The following TMEM232 variants were observed in gnomAD, a reference collection of about 807,000 sequenced individuals.
The protein encoded by TMEM232 is transmembrane protein 232.
Under a neutral mutation model 78.8 loss-of-function variants are expected in TMEM232, and 80 were observed. The observed-to-expected ratio is 1.01, with a 90% CI of 0.85 to 1.22. The LOEUF is 1.22. Among genes scored for constraint, TMEM232 ranks in the 50% most tolerant of loss-of-function variants. The pLI, the probability that TMEM232 is intolerant of heterozygous loss-of-function variation, is 0.00. For synonymous variants in TMEM232, 297 were observed against 254.3 expected (o/e 1.17, Z -1.60); for missense variants, 881 against 742.2 (o/e 1.19, Z -2.17).
At position 110,627,957 on chromosome 5, in the gene TMEM232, T is replaced by C; in HGVS notation, c.502-77A>G. ...TAAAAACCATAAGAAAAATCAACCA[T>C]TATATTATTACATTTTCTTTTGAGA... On this transcript the variant is annotated intron_variant, in intron 5 of 13. Transcript: ENST00000455884. 3.1e-6 allele frequency: 3 copies of C among 970,524 alleles called. No individual in the cohort carries two copies. In the South Asian group the frequency reaches 4.8e-5, roughly 16 times the overall value. The allele number at this position is 970,524 out of a possible 1,614,324, so 60.1% of individuals were successfully genotyped here.
chr5:110,414,265 CATT>C (rs886443799), intron 2 of TMEM232, among the ~76,000 whole-genome samples: 1 of 152,104 alleles, frequency 6.6e-6, no homozygotes, highest in African/African-American at 2.4e-5. Flanking sequence ...CATACAAGTG[CATT>C]ATTTTTAATA....
chr5:110,679,208 AC>A (rs1269879505), intron 1 of TMEM232, among the ~76,000 whole-genome samples: 1 of 152,060 alleles, frequency 6.6e-6, no homozygotes, highest in East Asian at 1.9e-4. Flanking sequence ...CAGTGTTCTG[AC>A]TTTTGGCCAT....
intron 1 of TMEM232, among the ~76,000 whole-genome samples, chr5:110,695,302 A>G (rs1794636042): frequency 6.6e-6 from 1 of 152,238 alleles, no homozygotes; most frequent in African/African-American, 2.4e-5. Context: ...CATTCAAAGC[A>G]GTGTGTAGAG....
chr5:110,412,625 C>T (rs1756041630), intron 2 of TMEM232, among the ~76,000 whole-genome samples: 1 of 151,312 alleles, frequency 6.6e-6, no homozygotes, highest in Non-Finnish European at 1.5e-5. Flanking sequence ...TAGCATAAAA[C>T]TATGTGTATT....
intron 1 of TMEM232, among the ~76,000 whole-genome samples, chr5:110,681,988 A>G (rs1792809429): frequency 6.6e-6 from 1 of 152,226 alleles, no homozygotes; most frequent in Admixed American, 6.5e-5. Flanking sequence ...TACAACAGAA[A>G]TAAAAAAATA....
chr5:110,699,322 A>G (rs1181095760), intron 1 of TMEM232, among the ~76,000 whole-genome samples: 2 of 152,104 alleles, frequency 1.3e-5, no homozygotes, highest in Non-Finnish European at 2.9e-5. Flanking sequence ...AGGGGAAAAC[A>G]TAAGAAATAA....
chr5:110,430,244 T>A (rs1360406609), intron 12 of TMEM232: 1 of 151,770 alleles, frequency 6.6e-6, no homozygotes, highest in East Asian at 1.9e-4. Context: ...CTCTAAGAGC[T>A]TATTGCTCAA....
chr5:110,530,497 GGATA>G (rs1417656970), intron 11 of TMEM232, among the ~76,000 whole-genome samples: 10 of 152,228 alleles, frequency 6.6e-5, no homozygotes, highest in African/African-American at 2.4e-4. Context: ...ACAGATGAAT[GGATA>G]AATAAAATGT....
chr5:110,734,895 A>T lies in TMEM232; in HGVS notation c.-13+8T>A, dbSNP rs369042221. The T allele has an allele frequency of 5.9e-5, 9 of 152,330 alleles. No individual in the cohort carries two copies. In the East Asian group the frequency reaches 1.3e-3, roughly 23 times the overall value. The allele number at this position is 152,330 out of a possible 1,614,324, so 9.4% of individuals were successfully genotyped here. On this transcript the variant is annotated splice_region_variant and intron_variant, in intron 2 of 4. Coordinates refer to the TMEM232 transcript ENST00000512886. ...ATATTACTAAATTTCACCTTTTAAAATACTTACCAGGCAGGGCGCAGTGGC... is the reference window on the plus strand; with the variant it reads ...ATATTACTAAATTTCACCTTTTAAATTACTTACCAGGCAGGGCGCAGTGGC...
chr5:110,446,032 A>G (rs1759607676), intron 12 of TMEM232, among the ~76,000 whole-genome samples: 1 of 152,188 alleles, frequency 6.6e-6, no homozygotes, highest in South Asian at 2.1e-4. Context: ...AGAGGCTAGG[A>G]TCACCGGAGG....
chr5:110,587,866 G>C (rs1467723221), intron 10 of TMEM232, among the ~76,000 whole-genome samples: 2 of 149,948 alleles, frequency 1.3e-5, no homozygotes, highest in Non-Finnish European at 2.9e-5. Flanking sequence ...TATATAATAT[G>C]ATCAGTGATA....
chr5:110,424,837 T>C lies in TMEM232; in HGVS notation c.1783A>G (p.Ile595Val). The change falls in exon 13 of 14, where the codon ATC becomes GTC. Residue 595 changes from isoleucine (I) to valine (V), a missense_variant. By Grantham distance (29) the Ile-to-Val change is conservative. Transcript: ENST00000455884. The stretch of plus-strand genomic sequence containing the variant: ...ATCAATCTTACGTGATGGTCAATGA[T>C]TTTTGCCAACTCTTTATCTGCCTTG... ...FTKADKELAK[I>V]IDHHWQEELK... is the part of the protein sequence containing the mutation. 1 of 1,549,174 alleles carries C rather than the reference T, an allele frequency of 6.5e-7. No homozygotes were observed. The highest frequency in any genetic ancestry group is 8.7e-7 in the Non-Finnish European group (1 of 1,145,758).
At chr5:110,476,255 A>G (rs1763240274) in intron 12 of TMEM232, among the ~76,000 whole-genome samples, 1 of 152,118 alleles carries the variant, frequency 6.6e-6, no homozygotes, top group East Asian at 1.9e-4. Flanking sequence ...TGTTAAATGA[A>G]GTCATATGGA....
intron 1 of TMEM232, among the ~76,000 whole-genome samples, chr5:110,722,291 C>T (rs1797724697): frequency 6.6e-6 from 1 of 152,102 alleles, no homozygotes; most frequent in Admixed American, 6.6e-5. Context: ...TCTCACAGTT[C>T]CTCTGGGTTA....
At chr5:110,585,564 G>T (rs1435941622) in intron 10 of TMEM232, among the ~76,000 whole-genome samples, 1 of 152,116 alleles carries the variant, frequency 6.6e-6, no homozygotes, top group East Asian at 1.9e-4. Context: ...TTGGAAAATG[G>T]AGTAAAAGTG....
At chr5:110,613,343 G>A (rs1348356781) in intron 8 of TMEM232, among the ~76,000 whole-genome samples, 2 of 152,088 alleles carry the variant, frequency 1.3e-5, no homozygotes, top group African/African-American at 4.8e-5. Context: ...TCAGAAATGG[G>A]CATATGAGTA....
chr5:110,580,500 C>T (rs1037277994), intron 10 of TMEM232, among the ~76,000 whole-genome samples: 4 of 151,510 alleles, frequency 2.6e-5, no homozygotes, highest in African/African-American at 9.7e-5. Context: ...GTAAAATTGC[C>T]TAATGATGCA....
At position 110,573,435 on chromosome 5, in the gene TMEM232, C is replaced by T. The variant is rs186812398; in HGVS notation, c.1277-4810G>A. Among the ~76,000 whole-genome samples the T allele has an allele frequency of 1.0e-3, 155 of 152,064 alleles. No homozygotes were observed. The East Asian group carries it at 0.011, about 10-fold the overall frequency. On this transcript the variant is annotated intron_variant, in intron 10 of 13. Transcript: ENST00000455884. Reference sequence around the variant, plus strand: ...TGTAGAGTTGAAGGAACTAGATCAACGCCAAGAAACTAATGGTTGGACAAG... The same window carrying T: ...TGTAGAGTTGAAGGAACTAGATCAATGCCAAGAAACTAATGGTTGGACAAG...
chr5:110,501,349 A>G (rs1361961572), intron 12 of TMEM232, among the ~76,000 whole-genome samples: 2 of 152,060 alleles, frequency 1.3e-5, no homozygotes, highest in East Asian at 3.8e-4. Flanking sequence ...AAGGAATTGT[A>G]AGAGAAAAGT....
Sources: allele counts gnomAD v4.1 joint callset (sites outside exome capture counted in the v4.1 genomes callset), GRCh38; gene constraint gnomAD v4.1.1; transcripts MANE v1.5; gene names NCBI Gene and HGNC (gene_info 2026-07-23, HGNC 2026-07-21).